Variants in CPLX1 observed in about 807,000 individuals in gnomAD.
CPLX1 encodes complexin 1.
A neutral mutation model predicts 15.6 loss-of-function variants in CPLX1; 6 were observed. The ratio of observed to expected loss-of-function variants is 0.39; its 90% CI spans 0.21 to 0.76. CPLX1 has a LOEUF of 0.76. Ranked by LOEUF, CPLX1 falls within the 30% of genes least tolerant of loss-of-function variation. The pLI is 0.43. For missense variants in CPLX1, 242 were observed against 188.6 expected (o/e 1.28, Z -1.66); for synonymous variants, 91 against 75.2 (o/e 1.21, Z -1.08).
intron 2 of CPLX1, 186 bp from the exon 3 acceptor site, chr4:792,794 G>T (rs1448871003): frequency 4.8e-6 from 3 of 620,400 alleles, no homozygotes; most frequent in Non-Finnish European, 8.2e-6. Context: ...TCCTGCCCGG[G>T]ACCCTCCATC....
intron 2 of CPLX1, among the ~76,000 whole-genome samples, chr4:803,121 A>C (rs774086227): frequency 6.6e-6 from 1 of 152,228 alleles, no homozygotes; most frequent in African/African-American, 2.4e-5. Flanking sequence ...AAAGAAACAA[A>C]ACAAAATAAT....
At chr4:793,758 C>T (rs944844918) in intron 2 of CPLX1, among the ~76,000 whole-genome samples, 6 of 152,222 alleles carry the variant, frequency 3.9e-5, no homozygotes, top group African/African-American at 9.6e-5. Context: ...TCGAGGTGCT[C>T]CTCAGTGGTG....
At chr4:821,327 G>T (rs1746858980) in intron 2 of CPLX1, among the ~76,000 whole-genome samples, 1 of 152,078 alleles carries the variant, frequency 6.6e-6, no homozygotes, top group Non-Finnish European at 1.5e-5. Flanking sequence ...GCAGTCAGAG[G>T]CTCTCCTGAG....
chr4:800,255 T>G (rs1362885182), intron 2 of CPLX1, among the ~76,000 whole-genome samples: 1 of 152,210 alleles, frequency 6.6e-6, no homozygotes, highest in Non-Finnish European at 1.5e-5. Context: ...GTTTGAGTTT[T>G]TCTTAACATC....
intron 3 of CPLX1, among the ~76,000 whole-genome samples, chr4:790,786 C>G (rs1035328317): frequency 1.3e-5 from 2 of 152,158 alleles, no homozygotes; most frequent in African/African-American, 4.8e-5. Context: ...ACTGCCACCT[C>G]CACTTCTACC....
intron 2 of CPLX1, among the ~76,000 whole-genome samples, chr4:796,366 A>G (rs1746339280): frequency 6.6e-6 from 1 of 152,096 alleles, no homozygotes. Context: ...CCACTTTTCC[A>G]GATCCGCCTC....
chr4:823,864 C>T (rs111389015), intron 2 of CPLX1, among the ~76,000 whole-genome samples: 5,698 of 152,348 alleles, frequency 0.037, 344 homozygotes, highest in African/African-American at 0.12. Context: ...CTGGCCCCAC[C>T]CCAGTACACA....
chr4:824,373 T>C (rs768924356), intron 2 of CPLX1, 119 bp downstream of exon 2: 142 of 904,866 alleles, frequency 1.6e-4, no homozygotes, highest in Non-Finnish European at 2.4e-4. Flanking sequence ...TGTGCAGGGC[T>C]GCGTGGGTGG....
intron 2 of CPLX1, among the ~76,000 whole-genome samples, chr4:824,045 G>A (rs1003673987): frequency 1.6e-4 from 24 of 152,208 alleles, no homozygotes; most frequent in Admixed American, 3.9e-4. Context: ...CTGTCCCCAC[G>A]CCTGTCCCTG....
intron 2 of CPLX1, among the ~76,000 whole-genome samples, chr4:811,925 C>T (rs1746671689): frequency 6.6e-6 from 1 of 152,220 alleles, no homozygotes; most frequent in African/African-American, 2.4e-5. Context: ...TCTTGATTAG[C>T]TGACCTCTTA....
chr4:824,512 A>G lies in CPLX1; in HGVS notation c.11T>C (p.Val4Ala), dbSNP rs1333339924. 1 of 1,612,586 alleles carries G rather than the reference A, an allele frequency of 6.2e-7. No homozygotes were observed. Among genetic ancestry groups the G allele is most frequent in the South Asian group, 1.1e-5 (1 of 91,064 alleles). The stretch of plus-strand genomic sequence containing the variant: ...CCTACCTCCTAGAGCCTGCTTCATC[A>G]CAAACTCCATGGCGATTGCTCTGCT... MEFVMKQALGGATK... is the reference protein window; with the variant it reads MEFAMKQALGGATK... Residue 4 changes from valine to alanine, a missense_variant, in exon 2 of 4, where the codon GTG becomes GCG. Physicochemically the swap from Val to Ala is moderately conservative, Grantham distance 64. Transcript: ENST00000304062.
chr4:800,969 A>G (rs1409439001), intron 2 of CPLX1, among the ~76,000 whole-genome samples: 1 of 151,476 alleles, frequency 6.6e-6, no homozygotes, highest in Admixed American at 6.6e-5. Flanking sequence ...GTGAGCCAAG[A>G]TCGTGCCACT....
intron 2 of CPLX1, among the ~76,000 whole-genome samples, chr4:801,854 TACC>T (rs1746466759): frequency 1.3e-5 from 2 of 152,258 alleles, no homozygotes; most frequent in African/African-American, 4.8e-5. Context: ...CACACAGAGA[TACC>T]ACCACATTCC....
At chr4:791,344 T>C (rs1029723936) in intron 3 of CPLX1, among the ~76,000 whole-genome samples, 6 of 81,624 alleles carry the variant, frequency 7.4e-5, no homozygotes, top group Non-Finnish European at 1.0e-4. Flanking sequence ...CCAGGGTGCA[T>C]GGCGGTGGGC....
intron 2 of CPLX1, among the ~76,000 whole-genome samples, chr4:810,461 G>A (rs771375442): frequency 9.2e-5 from 14 of 152,156 alleles, no homozygotes; most frequent in South Asian, 4.1e-4. Context: ...TTTCCAGTGC[G>A]GTTGTGCCAT....
chr4:800,477 A>AAT (rs140915315), intron 2 of CPLX1, among the ~76,000 whole-genome samples: 76 of 146,836 alleles, frequency 5.2e-4, no homozygotes, highest in African/African-American at 1.5e-3. Context: ...TCTACTAAAA[A>AAT]ATATATATAT....
intron 2 of CPLX1, among the ~76,000 whole-genome samples, chr4:801,281 C>T (rs1746454792): frequency 6.6e-6 from 1 of 151,934 alleles, no homozygotes; most frequent in African/African-American, 2.4e-5. Flanking sequence ...GAGATCGGGC[C>T]ACTGCACTCC....
intron 3 of CPLX1, chr4:787,470 G>C (rs1746034578): frequency 1.2e-6 from 1 of 840,660 alleles, no homozygotes; most frequent in South Asian, 5.4e-5. Context: ...ATCTCATAAT[G>C]GTAAGGATGG....
chr4:788,094 A>T (rs938356917), intron 3 of CPLX1: 2 of 985,386 alleles, frequency 2.0e-6, no homozygotes, highest in East Asian at 1.1e-4. Context: ...CCGCGGGATC[A>T]CCAGCCACAG....
Sources: gnomAD v4.1 joint callset for allele counts (sites outside exome capture counted in the v4.1 genomes callset) on GRCh38, gnomAD v4.1.1 for gene constraint, MANE v1.5 for transcripts, NCBI Gene and HGNC (gene_info 2026-07-23, HGNC 2026-07-21) for gene names.